CRAT: variants seen among roughly 807,000 people sequenced by gnomAD.
The protein encoded by CRAT is carnitine O-acetyltransferase.
In CRAT, 66 loss-of-function variants were observed where a neutral mutation model predicts 73.7. That is an observed-to-expected ratio of 0.90 (90% confidence interval 0.73 to 1.10). CRAT has a LOEUF of 1.10. Among genes scored for constraint, CRAT ranks in the 50% least tolerant of loss-of-function variants. The pLI, the probability that CRAT is intolerant of heterozygous loss-of-function variation, is 0.00. For synonymous variants in CRAT, 321 were observed against 343.2 expected (o/e 0.94, Z 0.71); for missense variants, 745 against 846.9 (o/e 0.88, Z 1.49).
chr9:129,108,755 T>C (rs1317660333), intron 1 of CRAT: 20 of 1,304,124 alleles, frequency 1.5e-5, no homozygotes, highest in Non-Finnish European at 2.0e-5. Context: ...AGGAGCTCTG[T>C]TCCATACCTT....
Position 129,110,215 on chromosome 9 carries a change from G to C in CRAT, c.27+268C>G, listed in dbSNP as rs1391804272. ...CCTACCGGCCTGTCTCTGGGTCTAA[G>C]GGTGGGGGTGCTAACTGAAGCCGGG... On this transcript the variant is annotated intron_variant, in intron 1 of 13. Coordinates refer to ENST00000318080, the MANE Select transcript of CRAT (RefSeq NM_000755.5). The surrounding 1 kb of genome is among the most constrained non-coding windows in gnomAD (Gnocchi z 5.3). Among the ~76,000 whole-genome samples, 1 of 152,180 alleles carries C rather than the reference G, an allele frequency of 6.6e-6. No homozygotes were observed. The highest frequency in any genetic ancestry group is 2.4e-5 in the African/African-American group (1 of 41,426).
chr9:129,097,761 C>T, intron 11 of CRAT: 1 of 518,392 alleles, frequency 1.9e-6, no homozygotes, highest in Non-Finnish European at 3.4e-6. Flanking sequence ...ACTCCTTGGT[C>T]CTCAGCCAGG....
At chr9:129,104,111 G>T (rs1310471640) in intron 3 of CRAT, 77 bp downstream of exon 3, 2 of 1,059,332 alleles carry the variant, frequency 1.9e-6, no homozygotes, top group African/African-American at 3.2e-5. Flanking sequence ...AACAGGGTCG[G>T]GGCCCCTCCA....
chr9:129,103,608 C>A lies in CRAT; in HGVS notation c.411-542G>T, dbSNP rs1410762902. Among the ~76,000 whole-genome samples, 1 of 152,204 alleles carries A rather than the reference C, an allele frequency of 6.6e-6. No homozygotes were observed. Among genetic ancestry groups the A allele is most frequent in the Non-Finnish European group, 1.5e-5 (1 of 68,022 alleles). On this transcript the variant is annotated intron_variant, in intron 3 of 13. Coordinates refer to ENST00000318080, the MANE Select transcript of CRAT (RefSeq NM_000755.5). The surrounding 1 kb of genome is among the most constrained non-coding windows in gnomAD (Gnocchi z 4.6). ...TGGCAACCACCCTCAATGCTTGGGG[C>A]CGCCCCTGGATCCCACCATGGGGAC... is the stretch of plus-strand genomic sequence containing the variant.
chr9:129,101,938 G>A lies in CRAT; in HGVS notation c.750C>T (p.Ile250=), dbSNP rs752631664. 6.2e-7 allele frequency: 1 copy of A among 1,614,182 alleles called. No homozygotes were observed. The highest frequency in any genetic ancestry group is 8.5e-7 in the Non-Finnish European group (1 of 1,180,026). Reference sequence around the variant, plus strand: ...AGGAGTTGCGGTGGTTGGAGGTGAGGATGCCCACAGGCTCCTTGTTGGTCT... The same window carrying A: ...AGGAGTTGCGGTGGTTGGAGGTGAGAATGCCCACAGGCTCCTTGTTGGTCT... ...SLQTNKEPVG[I]LTSNHRNSWA... is the part of the protein sequence containing the mutation. Residue 250 remains isoleucine (I), a synonymous_variant, in exon 6 of 14, where the codon ATC becomes ATT. Transcript: ENST00000318080.
chr9:129,100,783 T>G (rs1169667993), intron 6 of CRAT, 94 bp from the exon 7 acceptor site: 1 of 1,439,990 alleles, frequency 6.9e-7, no homozygotes, highest in Non-Finnish European at 9.3e-7. Context: ...CCTGGGCTCT[T>G]CTGACCCATT....
rs1359554637 is a variant in CRAT, at chr9:129,107,458, C to T, written c.291+356G>A. 8.4e-6 allele frequency: 5 copies of T among 598,150 alleles called. No homozygotes were observed. The highest frequency in any genetic ancestry group is 6.0e-5 in the South Asian group (3 of 50,064). The allele number at this position is 598,150 out of a possible 1,614,324, so 37.1% of individuals were successfully genotyped here. A position where few individuals can be genotyped will look rare whatever the true frequency, so the allele number is the denominator to read the frequency against. The stretch of plus-strand genomic sequence containing the variant: ...AGATCAGATACAGAACCTGGGCGAT[C>T]GGTCACTGAGTGACACATATCCCCT... On this transcript the variant is annotated intron_variant, in intron 2 of 13. Transcript: ENST00000318080. This position sits in a 1 kb window ranked among gnomAD's most constrained non-coding sequence, Gnocchi z 5.0.
rs780557097 is a variant in CRAT, at chr9:129,107,921, C to T, written c.184G>A (p.Glu62Lys). 6.2e-7 allele frequency: 1 copy of T among 1,610,570 alleles called. No homozygotes were observed. The highest frequency in any genetic ancestry group is 8.5e-7 in the Non-Finnish European group (1 of 1,179,808). ...ACCAGCTGCTTGGTGTGGGCCCACTCCTCCTCACTCACGATGGGCTGCAGC... is the reference window on the plus strand; with the variant it reads ...ACCAGCTGCTTGGTGTGGGCCCACTTCTCCTCACTCACGATGGGCTGCAGC... ...KALQPIVSEE[E>K]WAHTKQLVDE... is the part of the protein sequence containing the mutation. Residue 62 changes from glutamate (E) to lysine (K), a missense_variant, in exon 2 of 14, where the codon GAG becomes AAG. Coordinates refer to ENST00000318080, the MANE Select transcript of CRAT (RefSeq NM_000755.5). This position sits in a 1 kb window ranked among gnomAD's most constrained non-coding sequence, Gnocchi z 5.0.
Position 129,103,031 on chromosome 9 carries a change from A to C in CRAT, c.446T>G (p.Phe149Cys), listed in dbSNP as rs1384857014. The C allele has an allele frequency of 1.9e-6, 3 of 1,614,120 alleles. No individual in the cohort carries two copies. Among genetic ancestry groups the C allele is most frequent in the Non-Finnish European group, 2.5e-6 (3 of 1,179,960 alleles). ...TGCTCACTTGTCAATCATGACCTTG[A>C]AATCCAACACACCCTCAATGAGTTT... ...AAKLIEGVLD[F>C]KVMIDNETLP... Residue 149 changes from phenylalanine to cysteine, a missense_variant, in exon 4 of 14, where the codon TTC becomes TGC. By Grantham distance (205) the Phe-to-Cys change is radical. Coordinates refer to ENST00000318080, the MANE Select transcript of CRAT (RefSeq NM_000755.5). The surrounding 1 kb of genome is among the most constrained non-coding windows in gnomAD (Gnocchi z 4.6).
At chr9:129,097,389 C>T (rs1320882049) in intron 11 of CRAT, 77 bp from the exon 12 acceptor site, 3 of 1,155,040 alleles carry the variant, frequency 2.6e-6, no homozygotes, top group Non-Finnish European at 1.2e-6. Context: ...CACCCCCACC[C>T]AGCACTAGAT....
At chr9:129,100,982 TG>T (rs1296889247) in intron 6 of CRAT, among the ~76,000 whole-genome samples, 2 of 152,152 alleles carry the variant, frequency 1.3e-5, no homozygotes, top group African/African-American at 2.4e-5. Context: ...ACATGGGAGC[TG>T]GTGTGGCAGC....
chr9:129,101,809 G>A, intron 6 of CRAT, 74 bp downstream of exon 6: 1 of 1,516,830 alleles, frequency 6.6e-7, no homozygotes, highest in Non-Finnish European at 9.0e-7. Flanking sequence ...GTACCCTACA[G>A]GTGGAGTTGA....
At chr9:129,105,679 G>T (rs1427841499) in intron 2 of CRAT, among the ~76,000 whole-genome samples, 1 of 152,208 alleles carries the variant, frequency 6.6e-6, no homozygotes, top group Non-Finnish European at 1.5e-5. Flanking sequence ...GCAGGAGACT[G>T]GGGTATCAGA....
chr9:129,110,757 G>A lies in CRAT; in HGVS notation c.-248C>T. The A allele has an allele frequency of 2.0e-6, 1 of 498,728 alleles. No homozygotes were observed. The highest frequency in any genetic ancestry group is 3.3e-6 in the Non-Finnish European group (1 of 300,766). The allele number at this position is 498,728 out of a possible 1,614,324, so 30.9% of individuals were successfully genotyped here. ...TGGGCCGGTAGCGGGCCCCGGGCGGGCAACGGTGCCCGGGAGGTTGGCTGT... is the reference window on the plus strand; with the variant it reads ...TGGGCCGGTAGCGGGCCCCGGGCGGACAACGGTGCCCGGGAGGTTGGCTGT... On this transcript the variant is annotated 5_prime_UTR_variant, in exon 1 of 14. Coordinates refer to ENST00000318080, the MANE Select transcript of CRAT (RefSeq NM_000755.5). This position sits in a 1 kb window ranked among gnomAD's most constrained non-coding sequence, Gnocchi z 5.3.
At chr9:129,096,489 C>T (rs542627091) in intron 12 of CRAT, among the ~76,000 whole-genome samples, 59 of 152,210 alleles carry the variant, frequency 3.9e-4, no homozygotes, top group Non-Finnish European at 7.1e-4. Context: ...CGCAGGGTGG[C>T]GGTGAGCTCT....
At position 129,110,589 on chromosome 9, in the gene CRAT, G is replaced by T; in HGVS notation, c.-80C>A. The T allele has an allele frequency of 1.4e-6, 2 of 1,458,134 alleles. No homozygotes were observed. Among genetic ancestry groups the T allele is most frequent in the East Asian group, 2.7e-5 (1 of 36,432 alleles). The allele number at this position is 1,458,134 out of a possible 1,614,324, so 90.3% of individuals were successfully genotyped here. On this transcript the variant is annotated 5_prime_UTR_variant, in exon 1 of 14. Coordinates refer to ENST00000318080, the MANE Select transcript of CRAT (RefSeq NM_000755.5). The surrounding 1 kb of genome is among the most constrained non-coding windows in gnomAD (Gnocchi z 5.3). ...GTCCGCGCCGCCGCCGCCGCGGCTG[G>T]GGTCGGTGGGTCCTTGCTAGAGCCT...
At position 129,098,378 on chromosome 9, in the gene CRAT, G is replaced by T. The variant is rs368706124; in HGVS notation, c.1206-7C>A. The T allele has an allele frequency of 2.2e-5, 35 of 1,613,314 alleles. No individual in the cohort carries two copies. In the African/African-American group the frequency reaches 3.7e-4, roughly 17 times the overall value. ...ATCCAGGTCCTGGATCATGCTGGGG[G>T]TGTGGGAAGAGCAGGTGAGGAGCAG... On this transcript the variant is annotated splice_polypyrimidine_tract_variant and splice_region_variant and intron_variant, in intron 9 of 13. Transcript: ENST00000318080.
rs111352213 is a variant in CRAT at position 129,104,741 on chromosome 9, A to T, written c.292-435T>A. On this transcript the variant is annotated intron_variant, in intron 2 of 13. Transcript: ENST00000318080. ...TGCCTCAGCCTCCTGAGTAAGTGGGACTACAGGCGCCAGCCACCACACCTG... is the reference window on the plus strand; with the variant it reads ...TGCCTCAGCCTCCTGAGTAAGTGGGTCTACAGGCGCCAGCCACCACACCTG... Among the ~76,000 whole-genome samples the T allele has an allele frequency of 5.1e-4, 77 of 150,152 alleles. 1 individual carries two copies. Among genetic ancestry groups the T allele is most frequent in the African/African-American group, 1.8e-3 (75 of 40,654 alleles).
Position 129,107,785 on chromosome 9 carries a change from C to A in CRAT, c.291+29G>T. On this transcript the variant is annotated intron_variant, in intron 2 of 13. Coordinates refer to ENST00000318080, the MANE Select transcript of CRAT (RefSeq NM_000755.5). The surrounding 1 kb of genome is among the most constrained non-coding windows in gnomAD (Gnocchi z 5.0). ...AGAACTGTGCATGTGCAGCCAGCAGCAGGTCACAGTGAGGATGCCCTCACT... is the reference window on the plus strand; with the variant it reads ...AGAACTGTGCATGTGCAGCCAGCAGAAGGTCACAGTGAGGATGCCCTCACT... 6.2e-7 allele frequency: 1 copy of A among 1,613,122 alleles called. No individual in the cohort carries two copies. Among genetic ancestry groups the A allele is most frequent in the African/African-American group, 1.3e-5 (1 of 75,034 alleles).
Sources: allele counts gnomAD v4.1 joint callset (sites outside exome capture counted in the v4.1 genomes callset), GRCh38; gene constraint gnomAD v4.1.1; non-coding constraint Gnocchi (gnomAD v3.1); transcripts MANE v1.5; gene names NCBI Gene and HGNC (gene_info 2026-07-23, HGNC 2026-07-21).